CACHD1: variants seen among roughly 807,000 people sequenced by gnomAD.
CACHD1 encodes the protein cache domain containing 1.
In CACHD1, 71 loss-of-function variants were observed where a neutral mutation model predicts 138.7. The observed-to-expected ratio is 0.51, with a 90% CI of 0.42 to 0.62. The LOEUF (loss-of-function observed/expected upper bound fraction) is 0.62. CACHD1 is among the 20% of genes least tolerant of loss of function. The pLI is 0.00. For synonymous variants in CACHD1, 578 were observed against 591.5 expected (o/e 0.98, Z 0.33); for missense variants, 1,389 against 1,625.3 (o/e 0.85, Z 2.50).
chr1:64,662,028 C>T (rs1649462851), intron 13 of CACHD1, among the ~76,000 whole-genome samples: 2 of 152,108 alleles, frequency 1.3e-5, no homozygotes, highest in African/African-American at 4.8e-5. Flanking sequence ...AGAAGAGAGC[C>T]AACACTCAAA....
intron 2 of CACHD1, among the ~76,000 whole-genome samples, chr1:64,552,805 AG>A (rs1487276736): frequency 3.3e-5 from 5 of 152,176 alleles, no homozygotes; most frequent in African/African-American, 1.2e-4. Context: ...AATTTAACAT[AG>A]TTTATTTTTA....
At chr1:64,485,345 C>A (rs576545658) in intron 1 of CACHD1, among the ~76,000 whole-genome samples, 1 of 152,124 alleles carries the variant, frequency 6.6e-6, no homozygotes, top group African/African-American at 2.4e-5. Flanking sequence ...TGGAAACCAT[C>A]GATATATTCT....
chr1:64,552,894 C>T (rs1646770779), intron 2 of CACHD1, among the ~76,000 whole-genome samples: 2 of 152,222 alleles, frequency 1.3e-5, no homozygotes, highest in South Asian at 4.1e-4. Context: ...AGGGAATTAT[C>T]GTACAATCTA....
At position 64,634,235 on chromosome 1, in the gene CACHD1, AAAC is replaced by A; in HGVS notation, c.984_986del (p.Asn330del). 1 of 1,614,016 alleles carries A rather than the reference AAAC, an allele frequency of 6.2e-7. No individual in the cohort carries two copies. The highest frequency in any genetic ancestry group is 8.5e-7 in the Non-Finnish European group (1 of 1,179,962). On this transcript the variant is annotated inframe_deletion, in exon 7 of 27. Transcript: ENST00000651257. ...AGGCATTTCAGCTGATTCGAAGTAC[AAAC>A]AATAACACAAAGTTCCAAGCAAGTG...
At chr1:64,566,482 C>CCCCA (rs1553133830) in intron 2 of CACHD1, among the ~76,000 whole-genome samples, 1 of 93,094 alleles carries the variant, frequency 1.1e-5, no homozygotes, top group Non-Finnish European at 2.6e-5. Flanking sequence ...TTTCAATTCC[C>CCCCA]CCCCCCCCAC....
intron 1 of CACHD1, among the ~76,000 whole-genome samples, chr1:64,520,992 C>T (rs1646494107): frequency 6.6e-6 from 1 of 152,350 alleles, no homozygotes; most frequent in Non-Finnish European, 1.5e-5. Context: ...CAACTTACCA[C>T]AAACTCAGTG....
At chr1:64,614,367 C>A (rs17126773) in intron 4 of CACHD1, among the ~76,000 whole-genome samples, 2,240 of 152,162 alleles carry the variant, frequency 0.015, 53 homozygotes, top group African/African-American at 0.051. Context: ...TTCATCTAAA[C>A]ACCTGGCTGG....
intron 9 of CACHD1, among the ~76,000 whole-genome samples, chr1:64,648,780 A>G (rs1490881008): frequency 6.6e-6 from 1 of 152,234 alleles, no homozygotes; most frequent in Non-Finnish European, 1.5e-5. Flanking sequence ...TTCCTGACCT[A>G]TAAAATAGAA....
intron 2 of CACHD1, among the ~76,000 whole-genome samples, chr1:64,581,760 G>T (rs1647014523): frequency 6.6e-6 from 1 of 152,184 alleles, no homozygotes; most frequent in Non-Finnish European, 1.5e-5. Flanking sequence ...AGAACCACAA[G>T]TAACAGATAA....
At chr1:64,629,547 C>A in intron 5 of CACHD1, 66 bp downstream of exon 5, 1 of 1,538,892 alleles carries the variant, frequency 6.5e-7, no homozygotes, top group Non-Finnish European at 8.8e-7. Flanking sequence ...AAATATAAAA[C>A]TTCTCATTTC....
In CACHD1 at chr1:64,673,466, T is replaced by G; in HGVS notation, c.2727+2T>G. The G allele has an allele frequency of 6.3e-7, 1 of 1,599,272 alleles. No individual in the cohort carries two copies. Among genetic ancestry groups the G allele is most frequent in the Non-Finnish European group, 8.6e-7 (1 of 1,166,520 alleles). On this transcript the variant is annotated splice_donor_variant, in intron 19 of 26. Coordinates refer to ENST00000651257, the MANE Select transcript of CACHD1 (RefSeq NM_020925.4). LOFTEE classifies it high-confidence loss of function. Reference sequence around the variant, plus strand: ...TATAAATTCAACACCAGCCTTGCGGTAAGTTGATCTGATTCCTTAACACTC... The same window carrying G: ...TATAAATTCAACACCAGCCTTGCGGGAAGTTGATCTGATTCCTTAACACTC...
At chr1:64,561,158 GT>G (rs1021210237) in intron 2 of CACHD1, among the ~76,000 whole-genome samples, 9 of 146,942 alleles carry the variant, frequency 6.1e-5, no homozygotes, top group South Asian at 2.1e-4. Context: ...AATATTTTGG[GT>G]TTTTTTTCTG....
chr1:64,543,911 T>C (rs1038098125), intron 1 of CACHD1, among the ~76,000 whole-genome samples: 2 of 125,060 alleles, frequency 1.6e-5, no homozygotes. Flanking sequence ...GGCTTCGCCA[T>C]GTCAGCCATG....
intron 4 of CACHD1, among the ~76,000 whole-genome samples, chr1:64,615,333 G>A (rs538381160): frequency 1.8e-3 from 269 of 152,302 alleles, no homozygotes; most frequent in African/African-American, 6.2e-3. Flanking sequence ...ATGGGAGAGA[G>A]CAGGGCTTCT....
chr1:64,562,409 CTTTTTTTT>C (rs55746551), intron 2 of CACHD1, among the ~76,000 whole-genome samples: 2 of 109,934 alleles, frequency 1.8e-5, no homozygotes, highest in Non-Finnish European at 1.9e-5. Context: ...GCAGAATTTC[CTTTTTTTT>C]TTTTTTTTTT....
At chr1:64,523,527 T>A (rs1156368510) in intron 1 of CACHD1, among the ~76,000 whole-genome samples, 1 of 152,166 alleles carries the variant, frequency 6.6e-6, no homozygotes, top group Non-Finnish European at 1.5e-5. Context: ...GAACAAACAG[T>A]TCCTGGAACA....
rs1401502048 is a variant in CACHD1, at chr1:64,563,172, AAT to A, written c.261+12521_261+12522del. Among the ~76,000 whole-genome samples, 3 of 150,616 alleles carry A rather than the reference AAT, an allele frequency of 2.0e-5. No homozygotes were observed. In the East Asian group the frequency reaches 5.9e-4, roughly 29 times the overall value. On this transcript the variant is annotated intron_variant, in intron 2 of 26. Transcript: ENST00000651257. ...CCCCACCCAGTACTCTAGTATTTAA[AAT>A]ATATTCTGACAGACAGTTTTTTGGA... is the stretch of plus-strand genomic sequence containing the variant.
At chr1:64,654,880 G>A (rs1480248723) in intron 12 of CACHD1, 77 bp downstream of exon 12, 1 of 1,071,420 alleles carries the variant, frequency 9.3e-7, no homozygotes, top group East Asian at 2.4e-5. Context: ...TTCTCAGCCA[G>A]GGGGTGGCAC....
At chr1:64,677,153 C>T (rs1650019514) in intron 22 of CACHD1, 142 bp downstream of exon 22, 10 of 653,768 alleles carry the variant, frequency 1.5e-5, no homozygotes, top group South Asian at 1.9e-5. Context: ...AATGTTGTCT[C>T]GTTCCCACTT....
Sources: allele counts gnomAD v4.1 joint callset (sites outside exome capture counted in the v4.1 genomes callset), GRCh38; gene constraint gnomAD v4.1.1; transcripts MANE v1.5; gene names NCBI Gene and HGNC (gene_info 2026-07-23, HGNC 2026-07-21).